ZNF486: variants seen among roughly 807,000 people sequenced by gnomAD.
The protein encoded by ZNF486 is zinc finger protein 486, also known as KRAB box only protein 2.
A neutral mutation model predicts 12.8 loss-of-function variants in ZNF486; 12 were observed. The ratio of observed to expected loss-of-function variants is 0.94; its 90% CI spans 0.60 to 1.52. The LOEUF is 1.52. Among genes scored for constraint, ZNF486 ranks in the 40% most tolerant of loss-of-function variants. The pLI, the probability that ZNF486 is intolerant of heterozygous loss-of-function variation, is 0.00. For synonymous variants in ZNF486, 231 were observed against 184.9 expected, an observed-to-expected ratio of 1.25 and a Z score of -2.02; for missense variants, 738 against 545.0, an observed-to-expected ratio of 1.35 and a Z score of -3.53.
In ZNF486 at chr19:20,197,357, G is replaced by A; in HGVS notation, c.647G>A (p.Gly216Asp). 3 of 1,613,424 alleles carry A rather than the reference G, an allele frequency of 1.9e-6. No homozygotes were observed. The highest frequency in any genetic ancestry group is 2.5e-6 in the Non-Finnish European group (3 of 1,179,670). ...GEKPYKCEEC[G>D]KAFNRSSHLT... ...AAACCATACAAATGTGAAGAATGTG[G>A]CAAAGCCTTCAACCGGTCCTCACAC... Residue 216 changes from glycine (G) to aspartate (D), a missense_variant, in exon 4 of 4, where the codon GGC becomes GAC. Transcript: ENST00000335117.
At chr19:20,187,684 TA>T (rs1555716722) in intron 3 of ZNF486, among the ~76,000 whole-genome samples, 1 of 151,886 alleles carries the variant, frequency 6.6e-6, no homozygotes, top group Non-Finnish European at 1.5e-5. Flanking sequence ...TAAAAATTTT[TA>T]TTAGAGACAG....
intron 1 of ZNF486, among the ~76,000 whole-genome samples, chr19:20,169,465 G>A (rs1409683822): frequency 6.6e-6 from 1 of 152,150 alleles, no homozygotes; most frequent in Non-Finnish European, 1.5e-5. Flanking sequence ...GCCTGCAGAT[G>A]TCCCAGCCTG....
chr19:20,186,122 T>G (rs1207523593), intron 3 of ZNF486, 40 bp downstream of exon 3: 7 of 1,495,048 alleles, frequency 4.7e-6, no homozygotes, highest in Non-Finnish European at 6.3e-6. Context: ...ACAATGCAGA[T>G]AAGAGGTCCC....
At position 20,184,343 on chromosome 19, in the gene ZNF486, G is replaced by A; in HGVS notation, c.31-13G>A. 4.3e-6 allele frequency: 7 copies of A among 1,611,770 alleles called. No homozygotes were observed. The highest frequency in any genetic ancestry group is 5.9e-6 in the Non-Finnish European group (7 of 1,178,648). ...CGACTTGGTGAAAATGTGTGTGTGT[G>A]TGTGTTTTTCAGGAATCATTGCAAT... On this transcript the variant is annotated splice_polypyrimidine_tract_variant and intron_variant, in intron 1 of 3. Coordinates refer to ENST00000335117, the MANE Select transcript of ZNF486 (RefSeq NM_052852.4).
intron 1 of ZNF486, among the ~76,000 whole-genome samples, chr19:20,171,757 G>C (rs1324471157): frequency 6.6e-6 from 1 of 152,116 alleles, no homozygotes; most frequent in African/African-American, 2.4e-5. Context: ...ACACATGTGG[G>C]TTTGTTATAC....
At chr19:20,177,188 G>T (rs782602852) in intron 1 of ZNF486, 8 of 152,426 alleles carry the variant, frequency 5.2e-5, no homozygotes, top group African/African-American at 1.9e-4. Flanking sequence ...GAGCATACTA[G>T]CAACCAGGAG....
intron 2 of ZNF486, among the ~76,000 whole-genome samples, 182 bp from the exon 3 acceptor site, chr19:20,185,802 CAAA>C (rs58776855): frequency 6.8e-5 from 8 of 116,930 alleles, no homozygotes; most frequent in East Asian, 5.2e-4. Context: ...ACTCCATCTC[CAAA>C]AAAAAAAAAA....
intron 3 of ZNF486, among the ~76,000 whole-genome samples, chr19:20,193,679 T>C (rs56399603): frequency 0.053 from 8,064 of 152,104 alleles, 758 homozygotes; most frequent in African/African-American, 0.18. Context: ...AAAAAAAATA[T>C]GTCTTTTGAT....
intron 3 of ZNF486, among the ~76,000 whole-genome samples, chr19:20,196,449 C>A (rs558736547): frequency 6.6e-6 from 1 of 152,326 alleles, no homozygotes; most frequent in South Asian, 2.1e-4. Context: ...ATGCCTCAGC[C>A]TCCTGAGCAG....
At chr19:20,179,361 T>G (rs1292665401) in intron 1 of ZNF486, among the ~76,000 whole-genome samples, 2 of 152,358 alleles carry the variant, frequency 1.3e-5, no homozygotes, top group African/African-American at 4.8e-5. Flanking sequence ...TCTTGACATA[T>G]CTTCCTGTAA....
At chr19:20,169,081 C>T (rs187684812) in intron 1 of ZNF486, among the ~76,000 whole-genome samples, 1 of 151,518 alleles carries the variant, frequency 6.6e-6, no homozygotes, top group Non-Finnish European at 1.5e-5. Context: ...CCTTGTGATC[C>T]GCCTACCTCA....
intron 1 of ZNF486, among the ~76,000 whole-genome samples, chr19:20,169,781 G>A (rs1229999409): frequency 2.6e-5 from 4 of 151,968 alleles, no homozygotes; most frequent in South Asian, 2.1e-4. Context: ...AGAAAAAAGC[G>A]GGGAGGGGAA....
chr19:20,177,916 G>T (rs187020372), intron 1 of ZNF486, among the ~76,000 whole-genome samples: 1 of 147,352 alleles, frequency 6.8e-6, no homozygotes, highest in Non-Finnish European at 1.5e-5. Flanking sequence ...GAGTTTTTCT[G>T]GGGCTGTAAA....
chr19:20,167,373 AT>A lies in ZNF486; in HGVS notation c.30+15del. On this transcript the variant is annotated intron_variant, in intron 1 of 3. Transcript: ENST00000335117. ...AAGCCTAGAAATGGTGAGAGTGCCC[AT>A]TGGACATCCTGAGAGAGGGGAGGGA... is the stretch of plus-strand genomic sequence containing the variant. 6.2e-7 allele frequency: 1 copy of A among 1,613,114 alleles called. No individual in the cohort carries two copies. The highest frequency in any genetic ancestry group is 8.5e-7 in the Non-Finnish European group (1 of 1,179,378).
At chr19:20,186,986 T>C (rs1460884830) in intron 3 of ZNF486, among the ~76,000 whole-genome samples, 18 of 151,028 alleles carry the variant, frequency 1.2e-4, no homozygotes, top group African/African-American at 3.7e-4. Context: ...GGTTTCACCA[T>C]GTTGGCCAGG....
chr19:20,173,134 T>C (rs371309399), intron 1 of ZNF486, among the ~76,000 whole-genome samples: 4 of 152,254 alleles, frequency 2.6e-5, no homozygotes, highest in Admixed American at 2.0e-4. Flanking sequence ...ATGAAGTCTT[T>C]GCCAGTTTCT....
At chr19:20,176,045 CG>C (rs2089708281) in intron 1 of ZNF486, 1 of 172,228 alleles carries the variant, frequency 5.8e-6, no homozygotes, top group East Asian at 1.8e-4. Flanking sequence ...GGCTGCCGGG[CG>C]GAGATGCTAC....
rs535576002 is a variant in ZNF486, at chr19:20,197,777, G to A, written c.1067G>A (p.Gly356Asp). The A allele has an allele frequency of 3.1e-6, 5 of 1,613,720 alleles. No individual in the cohort carries two copies. The highest frequency in any genetic ancestry group is 4.2e-6 in the Non-Finnish European group (5 of 1,179,904). Residue 356 changes from glycine (G) to aspartate (D), a missense_variant, in exon 4 of 4, where the codon GGC (glycine) becomes GAC (aspartate). Coordinates refer to ENST00000335117, the MANE Select transcript of ZNF486 (RefSeq NM_052852.4). ...GEKPYKCEECGKAFTRSSHLT... is the reference protein window; with the variant it reads ...GEKPYKCEECDKAFTRSSHLT... ...AAACCCTACAAATGTGAAGAATGTG[G>A]CAAAGCCTTCACCCGCTCCTCACAC...
At position 20,197,073 on chromosome 19, in the gene ZNF486, C is replaced by A; in HGVS notation, c.363C>A (p.His121Gln). ...AAAAATGTGGACATGGCAATTTACA[C>A]TTTAAAAAAGGCTGTGAAAGTGTGG... ...KFEKCGHGNLHFKKGCESVDE... is the reference protein window; with the variant it reads ...KFEKCGHGNLQFKKGCESVDE... Residue 121 changes from histidine to glutamine, a missense_variant, in exon 4 of 4, where the codon CAC becomes CAA. Coordinates refer to ENST00000335117, the MANE Select transcript of ZNF486 (RefSeq NM_052852.4). 2 of 1,612,086 alleles carry A rather than the reference C, an allele frequency of 1.2e-6. No individual in the cohort carries two copies. Among genetic ancestry groups the A allele is most frequent in the Non-Finnish European group, 1.7e-6 (2 of 1,179,638 alleles).
Sources: gnomAD v4.1 joint callset for allele counts (sites outside exome capture counted in the v4.1 genomes callset) on GRCh38, gnomAD v4.1.1 for gene constraint, MANE v1.5 for transcripts, NCBI Gene and HGNC (gene_info 2026-07-23, HGNC 2026-07-21) for gene names.